Variants in PDE4D observed in about 807,000 individuals in gnomAD.
PDE4D encodes phosphodiesterase 4D.
PDE4D carries 24 observed loss-of-function variants against 87.4 expected under a neutral mutation model. That is an observed-to-expected ratio of 0.27 (90% CI 0.20 to 0.39). PDE4D has a LOEUF of 0.39. Ranked by LOEUF, PDE4D falls within the 10% of genes least tolerant of loss-of-function variation. PDE4D has a pLI of 1.00. For synonymous variants in PDE4D, 384 were observed against 383.2 expected, an observed-to-expected ratio of 1.00 and a Z score of -0.02; for missense variants, 714 against 1,041.0, an observed-to-expected ratio of 0.69 and a Z score of 4.32.
At chr5:59,155,203 C>A (rs1312871726) in intron 5 of PDE4D, among the ~76,000 whole-genome samples, 1 of 151,834 alleles carries the variant, frequency 6.6e-6, no homozygotes, top group African/African-American at 2.4e-5. Flanking sequence ...AGTGAGAAAA[C>A]CAATTAATCA....
At chr5:59,879,844 G>A (rs1308296809) in intron 1 of PDE4D, among the ~76,000 whole-genome samples, 6 of 152,134 alleles carry the variant, frequency 3.9e-5, no homozygotes, top group Non-Finnish European at 8.8e-5. Flanking sequence ...GGGTTTAAGC[G>A]ATTCTCCTGC....
At chr5:60,385,107 G>A (rs1255269947) in intron 1 of PDE4D, among the ~76,000 whole-genome samples, 1 of 152,128 alleles carries the variant, frequency 6.6e-6, no homozygotes, top group Non-Finnish European at 1.5e-5. Context: ...CATTGCCACT[G>A]TTCCTCCACA....
intron 5 of PDE4D, among the ~76,000 whole-genome samples, chr5:59,160,820 G>A (rs528992770): frequency 5.3e-5 from 8 of 152,058 alleles, no homozygotes; most frequent in Non-Finnish European, 7.4e-5. Context: ...GTTTTTGGCC[G>A]GGTGTGGTGG....
chr5:60,055,878 T>C (rs976010644), intron 2 of PDE4D, among the ~76,000 whole-genome samples: 5 of 150,312 alleles, frequency 3.3e-5, no homozygotes, highest in Non-Finnish European at 7.4e-5. Context: ...AAATCAATTA[T>C]AAGGAGGGAT....
intron 5 of PDE4D, among the ~76,000 whole-genome samples, chr5:59,166,997 T>C (rs1561609763): frequency 6.6e-6 from 1 of 152,226 alleles, no homozygotes; most frequent in Admixed American, 6.5e-5. Flanking sequence ...ATAATACTTT[T>C]CAACATATTA....
intron 2 of PDE4D, among the ~76,000 whole-genome samples, chr5:59,203,487 T>C (rs1748015823): frequency 6.6e-6 from 1 of 152,142 alleles, no homozygotes; most frequent in South Asian, 2.1e-4. Context: ...TACTTCTGGG[T>C]ATATATCCAA....
At chr5:59,393,813 T>C (rs1025023876) in intron 1 of PDE4D, among the ~76,000 whole-genome samples, 4 of 150,910 alleles carry the variant, frequency 2.7e-5, no homozygotes, top group African/African-American at 9.8e-5. Context: ...AAGTAACAGG[T>C]GGTTTCTCTT....
chr5:59,049,309 T>C (rs1364082249), intron 5 of PDE4D, among the ~76,000 whole-genome samples: 2 of 152,198 alleles, frequency 1.3e-5, no homozygotes, highest in East Asian at 3.9e-4. Flanking sequence ...GATAAGAATA[T>C]TTATTTCCAA....
At chr5:60,207,377 A>T (rs2149562227) in intron 1 of PDE4D, among the ~76,000 whole-genome samples, 1 of 152,332 alleles carries the variant, frequency 6.6e-6, no homozygotes, top group South Asian at 2.1e-4. Context: ...ACCAATGCAG[A>T]CTCTTAGCAG....
At chr5:59,031,461 A>G (rs2153385104) in intron 6 of PDE4D, among the ~76,000 whole-genome samples, 1 of 143,284 alleles carries the variant, frequency 7.0e-6, no homozygotes, top group Non-Finnish European at 1.5e-5. Flanking sequence ...TAATCCCAGC[A>G]CTTTGGGAGG....
intron 2 of PDE4D, among the ~76,000 whole-genome samples, chr5:59,203,622 TATAC>T (rs1416426528): frequency 3.3e-5 from 5 of 150,006 alleles, no homozygotes; most frequent in African/African-American, 4.9e-5. Flanking sequence ...GAAAATGTTA[TATAC>T]ACACACACAC....
At chr5:60,514,018 T>C (rs1257455642) in intron 1 of PDE4D, among the ~76,000 whole-genome samples, 1 of 151,326 alleles carries the variant, frequency 6.6e-6, no homozygotes, top group African/African-American at 2.4e-5. Context: ...TTTAAAAACA[T>C]ACAATAAAGA....
chr5:59,260,939 A>C (rs1474260049), intron 1 of PDE4D, among the ~76,000 whole-genome samples: 4 of 49,120 alleles, frequency 8.1e-5, no homozygotes, highest in Admixed American at 8.1e-4. Flanking sequence ...ATATACACCA[A>C]AAAAAAAAAA....
In PDE4D at chr5:60,337,257, C is replaced by T. The variant is rs558838052; in HGVS notation, c.-90+150685G>A. 3.1e-4 allele frequency among the ~76,000 whole-genome samples: 47 copies of T among 149,340 alleles called. 1 individual carries two copies. The highest frequency in any genetic ancestry group is 9.6e-4 in the African/African-American group (39 of 40,708). On this transcript the variant is annotated intron_variant, in intron 1 of 16. Transcript: ENST00000502484. ...CTGAGGCAGGAGAATCACTTGAACC[C>T]GGGGGGTAGAGGTTGTAGTAAGCTG...
At chr5:60,352,988 C>T (rs1029862804) in intron 1 of PDE4D, among the ~76,000 whole-genome samples, 1 of 152,084 alleles carries the variant, frequency 6.6e-6, no homozygotes, top group East Asian at 1.9e-4. Context: ...CTAAAGATAA[C>T]AGAATCTACT....
intron 5 of PDE4D, among the ~76,000 whole-genome samples, chr5:59,179,055 T>G (rs1001173817): frequency 1.3e-5 from 2 of 152,148 alleles, no homozygotes; most frequent in African/African-American, 4.8e-5. Flanking sequence ...GCAGAAGAAA[T>G]CAGTTACTCA....
intron 1 of PDE4D, among the ~76,000 whole-genome samples, chr5:59,230,783 G>A (rs10068836): frequency 0.074 from 11,222 of 152,162 alleles, 537 homozygotes; most frequent in Non-Finnish European, 0.1. Context: ...ATATTATTCA[G>A]TTTCCAACCT....
At chr5:59,668,862 A>G (rs1237880610) in intron 1 of PDE4D, among the ~76,000 whole-genome samples, 1 of 70,752 alleles carries the variant, frequency 1.4e-5, no homozygotes, top group Non-Finnish European at 2.7e-5. Context: ...GAAGAAGAAG[A>G]AGAAGAAGAA....
chr5:60,085,968 T>C lies in PDE4D; in HGVS notation c.43-97251A>G, dbSNP rs117494360. Among the ~76,000 whole-genome samples, 528 of 152,294 alleles carry C rather than the reference T, an allele frequency of 3.5e-3. 18 individuals carry two copies. In the East Asian group the frequency reaches 0.083, roughly 24 times the overall value. ...ATTAACACAATTGACTTTACAGCTA[T>C]TGTGATAATTTTTAAAAGCATATCC... On this transcript the variant is annotated intron_variant, in intron 2 of 16. Transcript: ENST00000502484.
Sources: gnomAD v4.1 joint callset for allele counts (sites outside exome capture counted in the v4.1 genomes callset) on GRCh38, gnomAD v4.1.1 for gene constraint, MANE v1.5 for transcripts, NCBI Gene and HGNC (gene_info 2026-07-23, HGNC 2026-07-21) for gene names.